The following ZFYVE9 variants were observed in gnomAD, a reference collection of about 807,000 sequenced individuals.
The protein encoded by ZFYVE9 is zinc finger FYVE-type containing 9.
A neutral mutation model predicts 126.7 loss-of-function variants in ZFYVE9; 43 were observed. The ratio of observed to expected loss-of-function variants is 0.34; its 90% CI spans 0.27 to 0.44. The LOEUF (loss-of-function observed/expected upper bound fraction) is 0.44. Ranked by LOEUF, ZFYVE9 falls within the 20% of genes least tolerant of loss-of-function variation. ZFYVE9 has a pLI of 1.00. For synonymous variants in ZFYVE9, 521 were observed against 597.4 expected (o/e 0.87, Z 1.87); for missense variants, 1,476 against 1,697.0 (o/e 0.87, Z 2.29).
intron 1 of ZFYVE9, chr1:52,190,110 G>A: frequency 5.6e-6 from 1 of 177,042 alleles, no homozygotes; most frequent in South Asian, 1.4e-4. Context: ...TACAAAAAGT[G>A]CAAACGGTAG....
At chr1:52,196,187 A>T (rs1429932428) in intron 1 of ZFYVE9, among the ~76,000 whole-genome samples, 2 of 152,164 alleles carry the variant, frequency 1.3e-5, no homozygotes, top group Non-Finnish European at 2.9e-5. Context: ...TGGCCAGTAA[A>T]TCTTACCATA....
chr1:52,270,464 C>T (rs997682104), intron 7 of ZFYVE9, among the ~76,000 whole-genome samples: 2 of 152,080 alleles, frequency 1.3e-5, no homozygotes, highest in African/African-American at 2.4e-5. Context: ...TGGGGTTTCA[C>T]GATGTTAGCC....
intron 1 of ZFYVE9, among the ~76,000 whole-genome samples, chr1:52,207,255 T>C (rs761776521): frequency 6.6e-6 from 1 of 152,250 alleles, no homozygotes; most frequent in Non-Finnish European, 1.5e-5. Flanking sequence ...ATGCTCCTTC[T>C]TTTAGTCCCA....
At chr1:52,230,314 C>A (rs1035478897) in intron 2 of ZFYVE9, among the ~76,000 whole-genome samples, 3 of 152,052 alleles carry the variant, frequency 2.0e-5, no homozygotes, top group Non-Finnish European at 4.4e-5. Context: ...ACGGAGTGAA[C>A]TTCCCAAGGC....
intron 1 of ZFYVE9, among the ~76,000 whole-genome samples, chr1:52,201,008 A>G (rs1206842607): frequency 6.6e-6 from 1 of 152,176 alleles, no homozygotes; most frequent in Non-Finnish European, 1.5e-5. Context: ...CAATTTGTCA[A>G]TGTTTATAAA....
intron 1 of ZFYVE9, among the ~76,000 whole-genome samples, chr1:52,178,580 C>T (rs1477170741): frequency 2.6e-5 from 4 of 152,008 alleles, no homozygotes; most frequent in South Asian, 2.1e-4. Flanking sequence ...CCACCTGCCT[C>T]GGCCTACCAA....
At chr1:52,303,012 A>G (rs1646050146) in intron 12 of ZFYVE9, among the ~76,000 whole-genome samples, 1 of 152,122 alleles carries the variant, frequency 6.6e-6, no homozygotes, top group Admixed American at 6.5e-5. Flanking sequence ...TGGGAAGCTG[A>G]GGCATGAGAC....
At chr1:52,254,164 G>GTATT in intron 4 of ZFYVE9, 1 of 663,018 alleles carries the variant, frequency 1.5e-6, no homozygotes, top group Non-Finnish European at 2.6e-6. Context: ...ATTTCATGAT[G>GTATT]TATTGTTCAA....
At position 52,298,331 on chromosome 1, in the gene ZFYVE9, A is replaced by G. The variant is rs1645997675; in HGVS notation, c.3333+2354A>G. Among the ~76,000 whole-genome samples, 7 of 152,028 alleles carry G rather than the reference A, an allele frequency of 4.6e-5. No homozygotes were observed. In the South Asian group the frequency reaches 1.2e-3, roughly 27 times the overall value. On this transcript the variant is annotated intron_variant, in intron 12 of 18. Coordinates refer to ENST00000287727, the MANE Select transcript of ZFYVE9 (RefSeq NM_004799.4). ...TTTTAGTTGATTTTTGTATATGGGG[A>G]GAGGTGGGGGTCTAGTTTCATTCTT... is the stretch of plus-strand genomic sequence containing the variant.
At chr1:52,170,616 G>T (rs953522640) in intron 1 of ZFYVE9, among the ~76,000 whole-genome samples, 2 of 152,086 alleles carry the variant, frequency 1.3e-5, no homozygotes, top group Non-Finnish European at 2.9e-5. Context: ...GGCACTTAGA[G>T]CTATAAATTG....
intron 4 of ZFYVE9, chr1:52,252,716 A>T (rs1048751925): frequency 1.1e-5 from 5 of 448,324 alleles, no homozygotes; most frequent in African/African-American, 1.0e-4. Flanking sequence ...AAAACATAAC[A>T]GCCTGCAAAT....
intron 1 of ZFYVE9, among the ~76,000 whole-genome samples, chr1:52,148,312 T>C (rs1167115717): frequency 6.6e-6 from 1 of 151,872 alleles, no homozygotes; most frequent in African/African-American, 2.4e-5. Context: ...CTGTCTCTCC[T>C]GAAAATACAA....
intron 2 of ZFYVE9, among the ~76,000 whole-genome samples, chr1:52,223,521 C>G (rs2124607494): frequency 6.6e-6 from 1 of 152,222 alleles, no homozygotes; most frequent in South Asian, 2.1e-4. Context: ...AATTTTCTAT[C>G]TTTTGTATTT....
chr1:52,200,467 C>T (rs1158852599), intron 1 of ZFYVE9, among the ~76,000 whole-genome samples: 1 of 152,178 alleles, frequency 6.6e-6, no homozygotes, highest in East Asian at 1.9e-4. Flanking sequence ...AGATGTAAGC[C>T]ACTGTGCCTG....
At chr1:52,212,557 A>T (rs995972816) in intron 1 of ZFYVE9, among the ~76,000 whole-genome samples, 4 of 152,342 alleles carry the variant, frequency 2.6e-5, no homozygotes, top group African/African-American at 9.6e-5. Flanking sequence ...TCTAGGCGAG[A>T]ACTGATGAGG....
At chr1:52,247,565 C>T (rs916519407) in intron 4 of ZFYVE9, among the ~76,000 whole-genome samples, 19 of 151,956 alleles carry the variant, frequency 1.3e-4, no homozygotes, top group Admixed American at 3.3e-4. Context: ...GGCGCAATCT[C>T]GGCTCACTGC....
intron 12 of ZFYVE9, among the ~76,000 whole-genome samples, chr1:52,296,658 T>C (rs1645978273): frequency 6.6e-6 from 1 of 152,142 alleles, no homozygotes; most frequent in Non-Finnish European, 1.5e-5. Context: ...AAGCTCCCTA[T>C]GGTTGTCTTA....
intron 12 of ZFYVE9, among the ~76,000 whole-genome samples, chr1:52,298,873 A>G (rs1221946051): frequency 3.5e-5 from 5 of 141,664 alleles, no homozygotes; most frequent in African/African-American, 1.4e-4. Context: ...GCAGTGGCGC[A>G]ATTTCGGCTC....
At chr1:52,261,183 C>T (rs866255951) in intron 4 of ZFYVE9, among the ~76,000 whole-genome samples, 10 of 151,400 alleles carry the variant, frequency 6.6e-5, no homozygotes, top group African/African-American at 2.2e-4. Context: ...TTTTGAAACA[C>T]GTGATTTATA....
Sources: gnomAD v4.1 joint callset for allele counts (sites outside exome capture counted in the v4.1 genomes callset) on GRCh38, gnomAD v4.1.1 for gene constraint, MANE v1.5 for transcripts, NCBI Gene and HGNC (gene_info 2026-07-23, HGNC 2026-07-21) for gene names.